MINDY4: variants seen among roughly 807,000 people sequenced by gnomAD.
MINDY4 encodes the protein MINDY lysine 48 deubiquitinase 4, also known as probable ubiquitin carboxyl-terminal hydrolase MINDY-4.
In MINDY4, 68 loss-of-function variants were observed where a neutral mutation model predicts 87.0. That is an observed-to-expected ratio of 0.78 (90% CI 0.64 to 0.96). The LOEUF (loss-of-function observed/expected upper bound fraction) is 0.96, where lower values mean the gene tolerates loss of function less well. MINDY4 is among the 40% of genes least tolerant of loss of function. MINDY4 has a pLI of 0.00. For synonymous variants in MINDY4, 379 were observed against 363.2 expected, an observed-to-expected ratio of 1.04 and a Z score of -0.50; for missense variants, 919 against 928.2, an observed-to-expected ratio of 0.99 and a Z score of 0.13.
intron 13 of MINDY4, among the ~76,000 whole-genome samples, chr7:30,866,668 A>T (rs1298458466): frequency 2.0e-5 from 3 of 152,074 alleles, no homozygotes; most frequent in African/African-American, 4.8e-5. Context: ...GCTCTGAGGG[A>T]TAAGTGGGAA....
intron 9 of MINDY4, among the ~76,000 whole-genome samples, chr7:30,844,934 A>C (rs1789158101): frequency 6.6e-6 from 1 of 152,200 alleles, no homozygotes; most frequent in African/African-American, 2.4e-5. Context: ...TCTATAAGTG[A>C]GTAGGGCCAT....
At chr7:30,786,710 C>T (rs1274061275) in intron 4 of MINDY4, 3 of 149,066 alleles carry the variant, frequency 2.0e-5, no homozygotes, top group Non-Finnish European at 4.5e-5. Flanking sequence ...CTAAACCCCC[C>T]AAGCCTTATA....
chr7:30,851,922 G>A (rs190416640), intron 10 of MINDY4, among the ~76,000 whole-genome samples: 244 of 152,336 alleles, frequency 1.6e-3, no homozygotes, highest in African/African-American at 5.5e-3. Flanking sequence ...GTGGGTGAGA[G>A]TCAGACTTCC....
intron 5 of MINDY4, among the ~76,000 whole-genome samples, chr7:30,804,499 C>T (rs1787748060): frequency 6.6e-6 from 1 of 152,076 alleles, no homozygotes; most frequent in Admixed American, 6.5e-5. Context: ...TTCCTGCTCC[C>T]AAGAGGCTGA....
chr7:30,782,340 GT>G, intron 3 of MINDY4, 128 bp downstream of exon 3: 1 of 641,946 alleles, frequency 1.6e-6, no homozygotes, highest in Non-Finnish European at 2.5e-6. Flanking sequence ...GTGTGTGTAT[GT>G]TTGTGTGTGT....
chr7:30,772,944 C>G (rs1257868080), intron 1 of MINDY4, among the ~76,000 whole-genome samples: 2 of 152,150 alleles, frequency 1.3e-5, no homozygotes, highest in African/African-American at 4.8e-5. Context: ...CCCCAGCTTA[C>G]CATCTCAATT....
intron 12 of MINDY4, chr7:30,858,648 T>TAAAA (rs141537215): frequency 1.2e-4 from 15 of 125,856 alleles, no homozygotes; most frequent in African/African-American, 6.2e-4. Context: ...GTTGATGTTT[T>TAAAA]AAAAATATAT....
chr7:30,799,764 G>A (rs1246728259), intron 5 of MINDY4, among the ~76,000 whole-genome samples: 3 of 152,176 alleles, frequency 2.0e-5, no homozygotes, highest in African/African-American at 7.2e-5. Context: ...ATGCCCTAGG[G>A]GCCAAGCCTG....
intron 4 of MINDY4, among the ~76,000 whole-genome samples, chr7:30,789,754 T>C (rs931812146): frequency 2.0e-5 from 3 of 152,200 alleles, no homozygotes; most frequent in Non-Finnish European, 2.9e-5. Flanking sequence ...TTTCTGGAAA[T>C]ATTGAGAGGT....
chr7:30,888,094 C>T (rs1423535374), intron 17 of MINDY4, among the ~76,000 whole-genome samples: 2 of 152,184 alleles, frequency 1.3e-5, no homozygotes, highest in African/African-American at 2.4e-5. Context: ...ACCTTTTTCC[C>T]CATGAAAAAC....
intron 12 of MINDY4, among the ~76,000 whole-genome samples, chr7:30,857,066 G>A (rs80349168): frequency 6.6e-6 from 1 of 152,342 alleles, no homozygotes; most frequent in East Asian, 1.9e-4. Flanking sequence ...TAACATTGTT[G>A]TTGATTCATT....
At chr7:30,850,394 CTGCACCATCTCAACCT>C (rs1789375694) in intron 9 of MINDY4, 44 bp from the exon 10 acceptor site, 6 of 1,464,576 alleles carry the variant, frequency 4.1e-6, no homozygotes, top group Non-Finnish European at 5.6e-6. Flanking sequence ...CTAAGTAGAG[CTGCACCATCTCAACCT>C]TGTGTCCACA....
chr7:30,855,972 G>T (rs554016632), intron 12 of MINDY4, among the ~76,000 whole-genome samples: 7 of 152,320 alleles, frequency 4.6e-5, no homozygotes, highest in South Asian at 2.1e-4. Context: ...GGGGTTCCTC[G>T]TGCCAGGCCT....
intron 1 of MINDY4, among the ~76,000 whole-genome samples, chr7:30,772,607 C>G (rs963474831): frequency 1.2e-4 from 19 of 152,192 alleles, no homozygotes; most frequent in African/African-American, 4.6e-4. Context: ...CTCACTGTTT[C>G]TGACACCAAA....
chr7:30,871,949 G>A (rs1016863513), intron 13 of MINDY4, among the ~76,000 whole-genome samples: 3 of 152,162 alleles, frequency 2.0e-5, no homozygotes, highest in South Asian at 2.1e-4. Context: ...CCTCTCTACC[G>A]TGTCACGCTT....
chr7:30,844,657 G>A (rs6972154), intron 9 of MINDY4, among the ~76,000 whole-genome samples: 20,087 of 152,152 alleles, frequency 0.13, 1,699 homozygotes, highest in African/African-American at 0.23. Context: ...GGCTACAGAA[G>A]GTTGTCCTTG....
chr7:30,856,428 C>G (rs4628165), intron 12 of MINDY4, among the ~76,000 whole-genome samples: 31,425 of 151,700 alleles, frequency 0.21, 4,230 homozygotes, highest in African/African-American at 0.38. Context: ...AGAGGCATGT[C>G]CAGGGCTCAA....
chr7:30,799,337 T>G (rs1194304997), intron 5 of MINDY4, among the ~76,000 whole-genome samples: 2 of 152,034 alleles, frequency 1.3e-5, no homozygotes, highest in Non-Finnish European at 2.9e-5. Context: ...GACTTTGGAG[T>G]CCTTCCTAGA....
intron 9 of MINDY4, among the ~76,000 whole-genome samples, chr7:30,848,831 G>A (rs1789307987): frequency 6.6e-6 from 1 of 152,154 alleles, no homozygotes; most frequent in Admixed American, 6.5e-5. Context: ...CAGAGGCTTG[G>A]TGTCACTTTC....
Sources: gnomAD v4.1 joint callset for allele counts (sites outside exome capture counted in the v4.1 genomes callset) on GRCh38, gnomAD v4.1.1 for gene constraint, MANE v1.5 for transcripts, NCBI Gene and HGNC (gene_info 2026-07-23, HGNC 2026-07-21) for gene names.